The following ZNF665 variants were observed in gnomAD, a reference collection of about 807,000 sequenced individuals.
The protein encoded by ZNF665 is zinc finger protein 665.
ZNF665 carries 6 observed loss-of-function variants against 7.9 expected under a neutral mutation model. That is an observed-to-expected ratio of 0.76 (90% CI 0.42 to 1.50). ZNF665 has a LOEUF of 1.50. Among genes scored for constraint, ZNF665 ranks in the 40% most tolerant of loss-of-function variants. The pLI is 0.01. For missense variants in ZNF665, 819 were observed against 806.7 expected, an observed-to-expected ratio of 1.02 and a Z score of -0.18; for synonymous variants, 242 against 274.5, an observed-to-expected ratio of 0.88 and a Z score of 1.17.
intron 3 of ZNF665, among the ~76,000 whole-genome samples, chr19:53,169,638 T>A (rs1054346127): frequency 7.2e-5 from 11 of 152,122 alleles, no homozygotes; most frequent in Non-Finnish European, 1.6e-4. Flanking sequence ...CCCATTAACT[T>A]GTCATTTAGC....
rs2090615906 is a variant in ZNF665 at position 53,166,340 on chromosome 19, A to G, written c.150T>C (p.Ser50=). 2 of 1,570,388 alleles carry G rather than the reference A, an allele frequency of 1.3e-6. No homozygotes were observed. The highest frequency in any genetic ancestry group is 1.7e-4 in the Middle Eastern group (1 of 5,872). Reference sequence around the variant, plus strand: ...GCAAATCCGTGTTTACACATTTACAAGAGATATCTGTAAGATATAAACAAC... The same window carrying G: ...GCAAATCCGTGTTTACACATTTACAGGAGATATCTGTAAGATATAAACAAC... ...NYRNLVSLDI[S]CKCVNTDLPP... The change falls in exon 4 of 4, where the codon TCT becomes TCC. Residue 50 remains serine (S), a synonymous_variant. Coordinates refer to ENST00000396424, the MANE Select transcript of ZNF665 (RefSeq NM_024733.5).
At chr19:53,169,779 C>T (rs1467844088) in intron 3 of ZNF665, among the ~76,000 whole-genome samples, 4 of 144,830 alleles carry the variant, frequency 2.8e-5, no homozygotes, top group Non-Finnish European at 4.5e-5. Flanking sequence ...TGAGAATATG[C>T]GGTGTTTGGT....
chr19:53,164,746 G>A lies in ZNF665; in HGVS notation c.1744C>T (p.His582Tyr), dbSNP rs201440046. ...ACCTGATGGGTAGCTAGGTTTGAAT[G>A]TACACTAAATGCTTTGCCGCACTCA... ...CNECGKAFSV[H>Y]SNLATHQVIH... The change falls in exon 4 of 4, where the codon CAT becomes TAT. Residue 582 changes from histidine to tyrosine, a missense_variant. Coordinates refer to ENST00000396424, the MANE Select transcript of ZNF665 (RefSeq NM_024733.5). The A allele has an allele frequency of 1.2e-6, 2 of 1,614,174 alleles. No homozygotes were observed. The highest frequency in any genetic ancestry group is 4.5e-5 in the East Asian group (2 of 44,874).
chr19:53,189,283 C>A (rs1478223482), intron 1 of ZNF665, among the ~76,000 whole-genome samples: 3 of 151,904 alleles, frequency 2.0e-5, no homozygotes, highest in African/African-American at 7.3e-5. Context: ...AATAACGACA[C>A]AAGACAAAGA....
At chr19:53,169,066 C>T (rs1401768592) in intron 3 of ZNF665, among the ~76,000 whole-genome samples, 2 of 151,950 alleles carry the variant, frequency 1.3e-5, no homozygotes, top group East Asian at 3.8e-4. Context: ...ATACCACAAT[C>T]ATGATCCATA....
At chr19:53,185,057 A>G (rs963760558) in intron 1 of ZNF665, among the ~76,000 whole-genome samples, 17 of 152,142 alleles carry the variant, frequency 1.1e-4, no homozygotes, top group Admixed American at 9.8e-4. Context: ...AAGGCGGACT[A>G]GGAGCGTGAC....
chr19:53,170,975 CT>C (rs987567764), intron 3 of ZNF665, among the ~76,000 whole-genome samples: 4 of 151,424 alleles, frequency 2.6e-5, no homozygotes, highest in African/African-American at 9.7e-5. Flanking sequence ...TACTGTATTC[CT>C]TTTTTGTTTG....
intron 2 of ZNF665, among the ~76,000 whole-genome samples, chr19:53,176,240 G>C (rs928303328): frequency 1.3e-5 from 2 of 152,114 alleles, no homozygotes; most frequent in African/African-American, 4.8e-5. Context: ...CACTGCAAAA[G>C]GGAAGAAGGG....
chr19:53,183,662 G>T (rs56297741), intron 1 of ZNF665, among the ~76,000 whole-genome samples: 3,506 of 152,086 alleles, frequency 0.023, 130 homozygotes, highest in African/African-American at 0.078. Context: ...GCTGAAGCGG[G>T]GGTCAGGGAG....
At chr19:53,166,795 A>G (rs1166734461) in intron 3 of ZNF665, among the ~76,000 whole-genome samples, 1 of 152,214 alleles carries the variant, frequency 6.6e-6, no homozygotes, top group African/African-American at 2.4e-5. Flanking sequence ...CACAGCAAAC[A>G]TATGTAATGA....
chr19:53,180,062 G>A (rs376235250), intron 2 of ZNF665: 1 of 152,104 alleles, frequency 6.6e-6, no homozygotes, highest in East Asian at 1.9e-4. Context: ...CTAACAATAT[G>A]GAATTTCACC....
rs141716501 is a variant in ZNF665, at chr19:53,182,715, C to T, written c.15+169G>A. 29 of 1,263,770 alleles carry T rather than the reference C, an allele frequency of 2.3e-5. No individual in the cohort carries two copies. The African/African-American group carries it at 4.1e-4, about 18-fold the overall frequency. 78.3% of individuals were successfully genotyped at this position (1,263,770 alleles called of 1,614,324 possible). ...TCTTCCCAAGTTCATGTCACTGGGT[C>T]ACCAGAGATGGAATCTAAGTGAGAT... is the stretch of plus-strand genomic sequence containing the variant. On this transcript the variant is annotated intron_variant, in intron 2 of 3. Transcript: ENST00000396424.
At chr19:53,182,650 C>T (rs902684109) in intron 2 of ZNF665, 11 of 873,730 alleles carry the variant, frequency 1.3e-5, no homozygotes, top group African/African-American at 5.0e-5. Flanking sequence ...CCATCCATGT[C>T]GGGGTGTGAG....
chr19:53,184,975 G>C (rs1219398921), intron 1 of ZNF665, among the ~76,000 whole-genome samples: 3 of 152,238 alleles, frequency 2.0e-5, no homozygotes, highest in Admixed American at 1.3e-4. Context: ...CTGCTTATCA[G>C]AGACTTTTTG....
intron 2 of ZNF665, among the ~76,000 whole-genome samples, chr19:53,177,425 C>G (rs965610643): frequency 1.3e-5 from 2 of 151,876 alleles, no homozygotes; most frequent in African/African-American, 4.8e-5. Flanking sequence ...CAGTGAAACG[C>G]TGTCTCTACT....
At chr19:53,171,524 A>ATATATATATATATTTTTT (rs372855271) in intron 3 of ZNF665, among the ~76,000 whole-genome samples, 6 of 69,320 alleles carry the variant, frequency 8.7e-5, no homozygotes, top group Non-Finnish European at 1.3e-4. Context: ...ATATATATAT[A>ATATATATATATATTTTTT]TTTTTTTTTT....
chr19:53,167,572 G>C (rs1417982597), intron 3 of ZNF665, among the ~76,000 whole-genome samples: 1 of 149,890 alleles, frequency 6.7e-6, no homozygotes, highest in African/African-American at 2.4e-5. Context: ...TCAGCCTCCC[G>C]AGTAGCTGGG....
intron 1 of ZNF665, among the ~76,000 whole-genome samples, chr19:53,184,143 G>C (rs993667069): frequency 2.6e-5 from 4 of 152,014 alleles, no homozygotes; most frequent in Non-Finnish European, 4.4e-5. Context: ...CCAGCTACTT[G>C]GGAGGCTGAG....
At chr19:53,169,245 T>C (rs2090639628) in intron 3 of ZNF665, among the ~76,000 whole-genome samples, 1 of 151,998 alleles carries the variant, frequency 6.6e-6, no homozygotes, top group African/African-American at 2.4e-5. Context: ...TTTTAAACAT[T>C]GGAAAATGAT....
Sources: gnomAD v4.1 joint callset for allele counts (sites outside exome capture counted in the v4.1 genomes callset) on GRCh38, gnomAD v4.1.1 for gene constraint, MANE v1.5 for transcripts, NCBI Gene and HGNC (gene_info 2026-07-23, HGNC 2026-07-21) for gene names.